Variants in MYBL1 observed in about 807,000 individuals in gnomAD.
MYBL1 encodes MYB proto-oncogene like 1, also known as myb-related protein A.
Under a neutral mutation model 96.3 loss-of-function variants are expected in MYBL1, and 17 were observed. The observed-to-expected ratio is 0.18, with a 90% CI of 0.12 to 0.26. MYBL1 has a LOEUF of 0.26. MYBL1 is among the 10% of genes least tolerant of loss of function. The pLI, the probability that MYBL1 is intolerant of heterozygous loss-of-function variation, is 1.00. For synonymous variants in MYBL1, 282 were observed against 292.7 expected (o/e 0.96, Z 0.37); for missense variants, 701 against 882.9 (o/e 0.79, Z 2.61).
At chr8:66,592,227 T>C (rs1333595720) in intron 8 of MYBL1, among the ~76,000 whole-genome samples, 2 of 152,004 alleles carry the variant, frequency 1.3e-5, no homozygotes, top group Non-Finnish European at 2.9e-5. Flanking sequence ...ATTACACCAC[T>C]GCATTTCTGC....
At chr8:66,602,351 G>T in intron 2 of MYBL1, 67 bp downstream of exon 2, 1 of 1,103,040 alleles carries the variant, frequency 9.1e-7, no homozygotes, top group Non-Finnish European at 1.3e-6. Flanking sequence ...ACACCTGGCC[G>T]TATAACTATA....
At chr8:66,603,296 C>A (rs547073394) in intron 1 of MYBL1, among the ~76,000 whole-genome samples, 1 of 152,066 alleles carries the variant, frequency 6.6e-6, no homozygotes, top group African/African-American at 2.4e-5. Flanking sequence ...ACAACCCAAG[C>A]AAGAAATTAT....
intron 3 of MYBL1, among the ~76,000 whole-genome samples, 171 bp downstream of exon 3, chr8:66,601,527 C>G (rs1467660872): frequency 6.6e-6 from 1 of 152,076 alleles, no homozygotes; most frequent in African/African-American, 2.4e-5. Flanking sequence ...AGACTCTAAA[C>G]CAGACTCTCC....
chr8:66,602,684 C>T (rs1250165166), intron 1 of MYBL1, among the ~76,000 whole-genome samples, 161 bp from the exon 2 acceptor site: 5 of 104,664 alleles, frequency 4.8e-5, no homozygotes, highest in South Asian at 3.2e-4. Flanking sequence ...AGTCAGACAG[C>T]GGGGTGGGGT....
chr8:66,588,477 G>A (rs1338364386), intron 8 of MYBL1, among the ~76,000 whole-genome samples: 3 of 151,726 alleles, frequency 2.0e-5, no homozygotes, highest in South Asian at 4.2e-4. Flanking sequence ...ACAGGGTTTC[G>A]CCATGTTGCC....
At chr8:66,597,301 G>C in intron 5 of MYBL1, 29 bp downstream of exon 5, 1 of 1,450,784 alleles carries the variant, frequency 6.9e-7, no homozygotes, top group Non-Finnish European at 9.2e-7. Context: ...TTTAAGTACA[G>C]AAAAATATAT....
In MYBL1 at chr8:66,612,825, G is replaced by A; in HGVS notation, c.14C>T (p.Ser5Leu). 1 of 1,371,176 alleles carries A rather than the reference G, an allele frequency of 7.3e-7. No individual in the cohort carries two copies. The highest frequency in any genetic ancestry group is 9.5e-7 in the Non-Finnish European group (1 of 1,053,150). 84.9% of individuals were successfully genotyped at this position (1,371,176 alleles called of 1,614,324 possible). A position where few individuals can be genotyped will look rare whatever the true frequency, so the allele number is the denominator to read the frequency against. MAKR[S>L]RSEDEDDDLQ... ...CGAAAGGGGTGCCACCCACCTGCGCGACCTCTTCGCCATCCTTCAAGTACC... is the reference window on the plus strand; with the variant it reads ...CGAAAGGGGTGCCACCCACCTGCGCAACCTCTTCGCCATCCTTCAAGTACC... Residue 5 changes from serine to leucine, a missense_variant, in exon 1 of 16, where the codon TCG becomes TTG. Ser to Leu is a moderately radical substitution (Grantham distance 145). This residue lies in a region of MYBL1 where 68 missense variants were observed against 93.8 expected (regional missense o/e 0.72). Transcript: ENST00000522677.
chr8:66,580,476 C>T, intron 8 of MYBL1, 110 bp from the exon 9 acceptor site: 1 of 712,306 alleles, frequency 1.4e-6, no homozygotes, highest in Admixed American at 2.9e-5. Context: ...AATATTTTGT[C>T]TTTCCTCAAA....
intron 15 of MYBL1, chr8:66,565,292 C>T (rs1248088656): frequency 6.6e-6 from 1 of 152,310 alleles, no homozygotes; most frequent in Non-Finnish European, 1.5e-5. Context: ...TTAAAGATTA[C>T]TATGTTATAG....
At chr8:66,574,592 G>T (rs1191296744) in intron 10 of MYBL1, among the ~76,000 whole-genome samples, 2 of 152,140 alleles carry the variant, frequency 1.3e-5, no homozygotes, top group South Asian at 2.1e-4. Context: ...ATGTTTGTTT[G>T]ACCATTAAAC....
intron 1 of MYBL1, among the ~76,000 whole-genome samples, 195 bp from the exon 2 acceptor site, chr8:66,602,718 TATATATATATATA>T (rs1348360541): frequency 2.1e-4 from 9 of 42,960 alleles, no homozygotes; most frequent in African/African-American, 9.8e-4. Flanking sequence ...TATATATATA[TATATATATATATA>T]TATTTTTTTT....
chr8:66,568,715 G>A (rs932188914), intron 12 of MYBL1, among the ~76,000 whole-genome samples: 18 of 152,096 alleles, frequency 1.2e-4, no homozygotes, highest in African/African-American at 7.2e-5. Flanking sequence ...GTAAACATGG[G>A]GGGTTGTTGT....
intron 12 of MYBL1, among the ~76,000 whole-genome samples, chr8:66,571,739 G>C (rs970842620): frequency 1.3e-5 from 2 of 151,784 alleles, no homozygotes; most frequent in African/African-American, 4.8e-5. Context: ...AAATTAGCTG[G>C]GCGTGGTGGC....
At chr8:66,610,601 T>C (rs1463810500) in intron 1 of MYBL1, among the ~76,000 whole-genome samples, 5 of 152,128 alleles carry the variant, frequency 3.3e-5, no homozygotes, top group South Asian at 4.1e-4. Flanking sequence ...AGTTCAAATA[T>C]ATTAAGATAC....
At chr8:66,589,030 A>T (rs183552562) in intron 8 of MYBL1, among the ~76,000 whole-genome samples, 121 of 152,252 alleles carry the variant, frequency 7.9e-4, no homozygotes, top group Middle Eastern at 3.4e-3. Context: ...AAAAGAAATT[A>T]AAAAAATGCT....
At chr8:66,603,578 ACTCCCAGGCTCAGGCAATC>A (rs898307835) in intron 1 of MYBL1, among the ~76,000 whole-genome samples, 3 of 151,642 alleles carry the variant, frequency 2.0e-5, no homozygotes, top group African/African-American at 7.3e-5. Context: ...GTAGCCTCAA[ACTCCCAGGCTCAGGCAATC>A]CTCCCACCTC....
At chr8:66,573,062 A>G (rs1465198999) in intron 11 of MYBL1, among the ~76,000 whole-genome samples, 1 of 152,042 alleles carries the variant, frequency 6.6e-6, no homozygotes, top group Non-Finnish European at 1.5e-5. Flanking sequence ...TACATACACA[A>G]TATTAACCAG....
chr8:66,588,279 T>C (rs79568033), intron 8 of MYBL1, among the ~76,000 whole-genome samples: 2 of 135,942 alleles, frequency 1.5e-5, no homozygotes, highest in Admixed American at 7.3e-5. Flanking sequence ...GTGAATCTCT[T>C]TTTTTTTTTT....
chr8:66,608,901 C>T (rs1810422947), intron 1 of MYBL1, among the ~76,000 whole-genome samples: 2 of 152,028 alleles, frequency 1.3e-5, no homozygotes, highest in South Asian at 4.1e-4. Flanking sequence ...GCTCTCCAGC[C>T]CAGGACTCGG....
Sources: allele counts gnomAD v4.1 joint callset (sites outside exome capture counted in the v4.1 genomes callset), GRCh38; gene constraint gnomAD v4.1.1; regional missense constraint gnomAD v4.1.1; transcripts MANE v1.5; gene names NCBI Gene and HGNC (gene_info 2026-07-23, HGNC 2026-07-21).